GAP43: variants seen among roughly 807,000 people sequenced by gnomAD.
GAP43 encodes the protein neuromodulin.
In GAP43, 6 loss-of-function variants were observed where a neutral mutation model predicts 18.6. That is an observed-to-expected ratio of 0.32 (90% confidence interval 0.18 to 0.64). The LOEUF (loss-of-function observed/expected upper bound fraction) is 0.64. Ranked by LOEUF, GAP43 falls within the 30% of genes least tolerant of loss-of-function variation. The pLI is 0.78. For synonymous variants in GAP43, 115 were observed against 111.4 expected (o/e 1.03, Z -0.20); for missense variants, 292 against 295.5 (o/e 0.99, Z 0.09).
At chr3:115,668,934 T>C (rs1018681001) in intron 1 of GAP43, among the ~76,000 whole-genome samples, 9 of 151,806 alleles carry the variant, frequency 5.9e-5, no homozygotes, top group African/African-American at 1.7e-4. Flanking sequence ...CCCCAGCTAT[T>C]TGAGAGACTG....
chr3:115,695,311 A>G (rs1709170937), intron 2 of GAP43, among the ~76,000 whole-genome samples: 1 of 152,228 alleles, frequency 6.6e-6, no homozygotes, highest in Non-Finnish European at 1.5e-5. Flanking sequence ...GCACTGTTAA[A>G]ATAGATCAAC....
intron 2 of GAP43, among the ~76,000 whole-genome samples, chr3:115,708,904 C>T (rs1709399096): frequency 7.0e-6 from 1 of 142,932 alleles, no homozygotes; most frequent in South Asian, 2.2e-4. Context: ...ATTTGAGTGG[C>T]AAGTGAGGGA....
intron 1 of GAP43, among the ~76,000 whole-genome samples, chr3:115,673,390 G>T (rs1708838797): frequency 6.6e-6 from 1 of 152,136 alleles, no homozygotes; most frequent in Non-Finnish European, 1.5e-5. Flanking sequence ...ATAAAGAAAA[G>T]ACAGAGCTCT....
chr3:115,624,440 G>A (rs552980852), intron 1 of GAP43, among the ~76,000 whole-genome samples: 1 of 152,044 alleles, frequency 6.6e-6, no homozygotes, highest in Non-Finnish European at 1.5e-5. Context: ...CACGCCCCTA[G>A]GAGCTCCGAT....
chr3:115,683,147 G>GCGCGCGCGCA (rs1252333447), intron 2 of GAP43, among the ~76,000 whole-genome samples: 129 of 127,422 alleles, frequency 1.0e-3, no homozygotes, highest in Non-Finnish European at 1.4e-3. Flanking sequence ...GCGCGCGCGC[G>GCGCGCGCGCA]CACACACACA....
At chr3:115,651,410 T>C (rs1708517569) in intron 1 of GAP43, among the ~76,000 whole-genome samples, 1 of 152,176 alleles carries the variant, frequency 6.6e-6, no homozygotes, top group African/African-American at 2.4e-5. Flanking sequence ...TTTAATTTGT[T>C]GCATGAATTT....
At chr3:115,668,060 A>G (rs376018876) in intron 1 of GAP43, among the ~76,000 whole-genome samples, 3 of 152,342 alleles carry the variant, frequency 2.0e-5, no homozygotes, top group East Asian at 1.9e-4. Context: ...GCTCAAGAGT[A>G]GAGATGCTTC....
At chr3:115,690,483 C>T (rs1709095158) in intron 2 of GAP43, among the ~76,000 whole-genome samples, 2 of 152,164 alleles carry the variant, frequency 1.3e-5, no homozygotes, top group African/African-American at 2.4e-5. Context: ...CTGGGTTCAA[C>T]CTCAGGTTCC....
At chr3:115,634,052 A>C (rs1708297619) in intron 1 of GAP43, among the ~76,000 whole-genome samples, 1 of 152,212 alleles carries the variant, frequency 6.6e-6, no homozygotes, top group African/African-American at 2.4e-5. Flanking sequence ...CCTTACATCC[A>C]TTATTTATAA....
At chr3:115,708,833 A>G (rs1319481151) in intron 2 of GAP43, among the ~76,000 whole-genome samples, 1 of 152,064 alleles carries the variant, frequency 6.6e-6, no homozygotes, top group Non-Finnish European at 1.5e-5. Context: ...CACCAACAGC[A>G]TCTACTACAA....
chr3:115,653,347 C>T (rs1373512280), intron 1 of GAP43, among the ~76,000 whole-genome samples: 1 of 152,076 alleles, frequency 6.6e-6, no homozygotes, highest in East Asian at 1.9e-4. Context: ...GAGGCTGAAG[C>T]ACAAGAATCA....
intron 1 of GAP43, among the ~76,000 whole-genome samples, chr3:115,641,289 C>T (rs1422115255): frequency 6.6e-6 from 1 of 151,738 alleles, no homozygotes; most frequent in Non-Finnish European, 1.5e-5. Context: ...CCATATGGCA[C>T]TCACTATAGT....
intron 1 of GAP43, among the ~76,000 whole-genome samples, chr3:115,657,196 A>G (rs1234095378): frequency 6.6e-6 from 1 of 152,234 alleles, no homozygotes; most frequent in Admixed American, 6.5e-5. Context: ...ACAGATAAAA[A>G]GAGAATAAAA....
chr3:115,710,459 TAAC>T (rs2107375042), intron 2 of GAP43, among the ~76,000 whole-genome samples: 1 of 152,308 alleles, frequency 6.6e-6, no homozygotes, highest in East Asian at 1.9e-4. Flanking sequence ...AGAGGGAGAA[TAAC>T]AAAATCTTTT....
intron 2 of GAP43, among the ~76,000 whole-genome samples, chr3:115,712,077 T>C (rs187828836): frequency 2.0e-5 from 3 of 151,326 alleles, no homozygotes; most frequent in Non-Finnish European, 4.4e-5. Context: ...TAAATAATGT[T>C]TTAAGAAGTT....
chr3:115,662,639 A>C (rs572350039), intron 1 of GAP43, among the ~76,000 whole-genome samples: 1 of 152,312 alleles, frequency 6.6e-6, no homozygotes, highest in East Asian at 1.9e-4. Flanking sequence ...AAGAGTGGTG[A>C]CATCACCTCT....
chr3:115,665,089 T>C (rs1359784189), intron 1 of GAP43, among the ~76,000 whole-genome samples: 1 of 152,164 alleles, frequency 6.6e-6, no homozygotes, highest in Non-Finnish European at 1.5e-5. Flanking sequence ...TAGGTAACAC[T>C]GTCCTTGCAA....
chr3:115,682,376 A>G (rs190199815), intron 2 of GAP43, among the ~76,000 whole-genome samples: 3 of 152,306 alleles, frequency 2.0e-5, no homozygotes, highest in African/African-American at 7.2e-5. Context: ...CATTTTATTT[A>G]TTGTAGGCAA....
intron 1 of GAP43, among the ~76,000 whole-genome samples, chr3:115,665,323 A>G (rs1708719576): frequency 1.3e-5 from 2 of 152,298 alleles, no homozygotes; most frequent in African/African-American, 4.8e-5. Flanking sequence ...TAGAGCTGAT[A>G]TTAGGATTGC....
Sources: allele counts gnomAD v4.1 joint callset (sites outside exome capture counted in the v4.1 genomes callset), GRCh38; gene constraint gnomAD v4.1.1; transcripts MANE v1.5; gene names NCBI Gene and HGNC (gene_info 2026-07-23, HGNC 2026-07-21).